The following NFIA variants were observed in gnomAD, a reference collection of about 807,000 sequenced individuals.
NFIA encodes the protein nuclear factor 1 A-type.
Under a neutral mutation model 62.8 loss-of-function variants are expected in NFIA, and 8 were observed. The ratio of observed to expected loss-of-function variants is 0.13; its 90% CI spans 0.07 to 0.23. NFIA has a LOEUF of 0.23. NFIA is among the 10% of genes least tolerant of loss of function. The pLI is 1.00. For synonymous variants in NFIA, 235 were observed against 238.1 expected, an observed-to-expected ratio of 0.99 and a Z score of 0.12; for missense variants, 410 against 642.1, an observed-to-expected ratio of 0.64 and a Z score of 3.91.
At chr1:61,175,214 T>C (rs544540261) in intron 2 of NFIA, among the ~76,000 whole-genome samples, 1 of 152,198 alleles carries the variant, frequency 6.6e-6, no homozygotes, top group African/African-American at 2.4e-5. Flanking sequence ...TAATCTTGGC[T>C]CACTACAACT....
intron 2 of NFIA, among the ~76,000 whole-genome samples, chr1:61,156,448 TA>T (rs1310087348): frequency 3.3e-5 from 5 of 152,202 alleles, no homozygotes; most frequent in Non-Finnish European, 7.3e-5. Flanking sequence ...CAGTAATCAT[TA>T]TTAATGGATT....
At chr1:61,206,227 T>G (rs969970926) in intron 2 of NFIA, among the ~76,000 whole-genome samples, 1 of 152,228 alleles carries the variant, frequency 6.6e-6, no homozygotes, top group African/African-American at 2.4e-5. Flanking sequence ...CATAAAATTT[T>G]GTAATATGAG....
chr1:61,452,788 G>C (rs1453040227), intron 10 of NFIA, among the ~76,000 whole-genome samples: 1 of 152,212 alleles, frequency 6.6e-6, no homozygotes. Context: ...AACTCTGAGA[G>C]TGTGTGGTTA....
intron 2 of NFIA, among the ~76,000 whole-genome samples, chr1:61,106,314 T>C (rs1646599442): frequency 1.3e-5 from 2 of 151,800 alleles, no homozygotes. Context: ...AAATGAAATA[T>C]TAAAAGACTG....
At chr1:61,410,588 G>T (rs1254709998) in intron 9 of NFIA, among the ~76,000 whole-genome samples, 1 of 152,114 alleles carries the variant, frequency 6.6e-6, no homozygotes, top group Non-Finnish European at 1.5e-5. Flanking sequence ...GAGATGACTT[G>T]CAATAAAATA....
chr1:61,396,816 G>T (rs916713962), intron 7 of NFIA, among the ~76,000 whole-genome samples: 4 of 151,920 alleles, frequency 2.6e-5, no homozygotes, highest in African/African-American at 7.3e-5. Context: ...GCTGGGCAAC[G>T]TGGTGAAACC....
intron 2 of NFIA, among the ~76,000 whole-genome samples, chr1:61,134,448 A>G (rs558502391): frequency 6.6e-6 from 1 of 152,278 alleles, no homozygotes; most frequent in South Asian, 2.1e-4. Flanking sequence ...TGTAGTGGAA[A>G]GCGGGGTCTG....
intron 2 of NFIA, among the ~76,000 whole-genome samples, chr1:61,143,642 T>G (rs1465598212): frequency 6.6e-6 from 1 of 152,174 alleles, no homozygotes; most frequent in Non-Finnish European, 1.5e-5. Flanking sequence ...CTGCCCACCT[T>G]GGCCTCCCAA....
chr1:61,426,497 C>T lies in NFIA; in HGVS notation c.1453C>T (p.Arg485Ter). 2 of 1,552,020 alleles carry T rather than the reference C, an allele frequency of 1.3e-6. No individual in the cohort carries two copies. The highest frequency in any genetic ancestry group is 1.7e-6 in the Non-Finnish European group (2 of 1,147,046). The change falls in exon 10 of 11, where the codon CGA becomes TGA. Residue 485 changes from arginine (R) to a stop codon, truncating the protein, a stop_gained. Coordinates refer to ENST00000403491, the MANE Select transcript of NFIA (RefSeq NM_001134673.4). LOFTEE classifies it high-confidence loss of function. The part of the protein sequence containing the change: ...YSTPSTSPAN[R>*]FVSVGPRDPS... ...GACACCCAGCACCTCCCCCGCAAAC[C>T]GATTCGTCAGTGTTGGACCACGGGA... is the stretch of plus-strand genomic sequence containing the variant.
chr1:61,184,421 A>T (rs1380855424), intron 2 of NFIA, among the ~76,000 whole-genome samples: 1 of 152,248 alleles, frequency 6.6e-6, no homozygotes, highest in East Asian at 1.9e-4. Flanking sequence ...TTTGCATGCC[A>T]AATGTTCTTG....
chr1:61,156,935 A>G (rs1290643747), intron 2 of NFIA, among the ~76,000 whole-genome samples: 2 of 152,216 alleles, frequency 1.3e-5, no homozygotes, highest in African/African-American at 2.4e-5. Flanking sequence ...TGAACATACA[A>G]GTGAATACAC....
intron 2 of NFIA, chr1:61,251,334 C>G (rs564007317): frequency 6.6e-6 from 1 of 152,124 alleles, no homozygotes; most frequent in African/African-American, 2.4e-5. Flanking sequence ...GTTTTGAGTT[C>G]CAGCTTTTTC....
chr1:61,331,279 C>T (rs1661286841), intron 3 of NFIA, among the ~76,000 whole-genome samples: 1 of 152,042 alleles, frequency 6.6e-6, no homozygotes, highest in Non-Finnish European at 1.5e-5. Context: ...ATTTCTTATG[C>T]AAAAATCCAG....
At chr1:61,112,136 T>TA (rs1221302940) in intron 2 of NFIA, among the ~76,000 whole-genome samples, 81 of 151,312 alleles carry the variant, frequency 5.4e-4, no homozygotes, top group Admixed American at 1.5e-3. Context: ...TTTTTTTTTT[T>TA]AAAAAAAAAC....
chr1:61,392,902 C>G (rs1388422218), intron 7 of NFIA, among the ~76,000 whole-genome samples: 1 of 152,180 alleles, frequency 6.6e-6, no homozygotes, highest in Non-Finnish European at 1.5e-5. Flanking sequence ...GCCCCTTTCT[C>G]TCTGTCCCTC....
At chr1:61,260,042 G>GA (rs1394210561) in intron 2 of NFIA, among the ~76,000 whole-genome samples, 2 of 151,826 alleles carry the variant, frequency 1.3e-5, no homozygotes, top group South Asian at 2.1e-4. Flanking sequence ...AAAGCCTATG[G>GA]AAAAAAAATC....
chr1:61,199,182 T>G (rs1011262807), intron 2 of NFIA, among the ~76,000 whole-genome samples: 1 of 152,226 alleles, frequency 6.6e-6, no homozygotes, highest in African/African-American at 2.4e-5. Flanking sequence ...CCTCTCTTTG[T>G]GAATATGTTT....
At chr1:61,191,929 A>G (rs1651654724) in intron 2 of NFIA, among the ~76,000 whole-genome samples, 1 of 151,470 alleles carries the variant, frequency 6.6e-6, no homozygotes, top group South Asian at 2.1e-4. Flanking sequence ...AAATTTACTA[A>G]AAATAACAAG....
chr1:61,317,836 A>G (rs779600180), intron 3 of NFIA, among the ~76,000 whole-genome samples: 1 of 152,074 alleles, frequency 6.6e-6, no homozygotes, highest in African/African-American at 2.4e-5. Flanking sequence ...TTTTGAACAC[A>G]TTCTGTGTTC....
Sources: gnomAD v4.1 joint callset for allele counts (sites outside exome capture counted in the v4.1 genomes callset) on GRCh38, gnomAD v4.1.1 for gene constraint, MANE v1.5 for transcripts, NCBI Gene and HGNC (gene_info 2026-07-23, HGNC 2026-07-21) for gene names.